TTC21B: variants seen among roughly 807,000 people sequenced by gnomAD.
TTC21B encodes tetratricopeptide repeat domain 21B.
In TTC21B, 127 loss-of-function variants were observed where a neutral mutation model predicts 175.1. The observed-to-expected ratio is 0.73, with a 90% CI of 0.63 to 0.84. TTC21B has a LOEUF of 0.84. TTC21B is among the 40% of genes least tolerant of loss of function. The probability of loss-of-function intolerance (pLI) is 0.00; values close to 1 mark genes in which losing one functional copy is unlikely to be tolerated. For synonymous variants in TTC21B, 524 were observed against 524.5 expected, an observed-to-expected ratio of 1.00 and a Z score of 0.01; for missense variants, 1,561 against 1,558.3, an observed-to-expected ratio of 1.00 and a Z score of -0.03.
intron 28 of TTC21B, among the ~76,000 whole-genome samples, chr2:165,875,145 C>T (rs188676308): frequency 7.9e-5 from 12 of 152,278 alleles, no homozygotes; most frequent in Admixed American, 4.6e-4. Flanking sequence ...TTTAGCTTTT[C>T]ATTCATAATA....
At chr2:165,942,192 T>C (rs975737858) in intron 5 of TTC21B, among the ~76,000 whole-genome samples, 2 of 152,196 alleles carry the variant, frequency 1.3e-5, no homozygotes, top group Non-Finnish European at 2.9e-5. Context: ...GGAAAAGTGA[T>C]GTGGAGACAT....
intron 11 of TTC21B, among the ~76,000 whole-genome samples, chr2:165,926,467 C>T (rs2105338068): frequency 6.6e-6 from 1 of 152,236 alleles, no homozygotes; most frequent in African/African-American, 2.4e-5. Context: ...GACTACTCTC[C>T]TCCTCCTCAC....
chr2:165,878,111 A>G (rs1247914863), intron 27 of TTC21B, among the ~76,000 whole-genome samples: 1 of 152,224 alleles, frequency 6.6e-6, no homozygotes, highest in Admixed American at 6.5e-5. Flanking sequence ...TTTAAAAATC[A>G]TATAAAATAC....
At position 165,941,127 on chromosome 2, in the gene TTC21B, T is replaced by C. The variant is rs1290923708; in HGVS notation, c.610A>G (p.Ile204Val). 1 of 1,613,952 alleles carries C rather than the reference T, an allele frequency of 6.2e-7. No individual in the cohort carries two copies. Among genetic ancestry groups the C allele is most frequent in the Non-Finnish European group, 8.5e-7 (1 of 1,179,876 alleles). The change falls in exon 6 of 29, where the codon ATA becomes GTA. Residue 204 changes from isoleucine (I) to valine (V), a missense_variant. Transcript: ENST00000243344. ...YSGALETVNQ[I>V]IVNFPSFLPA... ...AGGAAGCTCGGAAAATTCACGATTA[T>C]CTGGTTCACAGTCTCCAGGGCACCT...
At chr2:165,944,565 C>G (rs1222117020) in intron 4 of TTC21B, among the ~76,000 whole-genome samples, 1 of 152,112 alleles carries the variant, frequency 6.6e-6, no homozygotes, top group African/African-American at 2.4e-5. Flanking sequence ...GCCACTTCAT[C>G]CAAGAAACCA....
At chr2:165,907,080 T>A (rs929714528) in intron 19 of TTC21B, among the ~76,000 whole-genome samples, 13 of 151,866 alleles carry the variant, frequency 8.6e-5, no homozygotes, top group African/African-American at 3.1e-4. Flanking sequence ...TTAAAAATTA[T>A]ATCAAAGTGA....
At chr2:165,930,732 G>GGTGTGTGTGTGT in intron 8 of TTC21B, among the ~76,000 whole-genome samples, 6 of 110,908 alleles carry the variant, frequency 5.4e-5, no homozygotes, top group Admixed American at 8.7e-5. Flanking sequence ...TGGGTATGGG[G>GGTGTGTGTGTGT]GTGTGTGTGT....
At chr2:165,886,604 A>T (rs1221005289) in intron 25 of TTC21B, among the ~76,000 whole-genome samples, 1 of 152,206 alleles carries the variant, frequency 6.6e-6, no homozygotes, top group Non-Finnish European at 1.5e-5. Flanking sequence ...GTATTTTACT[A>T]ACCACATATG....
chr2:165,937,147 A>C (rs576418322), intron 6 of TTC21B, among the ~76,000 whole-genome samples: 5 of 152,220 alleles, frequency 3.3e-5, no homozygotes, highest in Admixed American at 6.5e-5. Flanking sequence ...ACATGGAAGA[A>C]AGTTAAATGC....
Position 165,934,515 on chromosome 2 carries a change from A to G in TTC21B, c.711-1458T>C, listed in dbSNP as rs895880895. ...GACTCTGTCTCAAAAAAAAAAAAAA[A>G]AAAAAAGAAAAGAAACGAAACATGA... On this transcript the variant is annotated intron_variant, in intron 6 of 28. Transcript: ENST00000243344. 1.1e-3 allele frequency among the ~76,000 whole-genome samples: 157 copies of G among 147,494 alleles called. 1 individual carries two copies. Among genetic ancestry groups the G allele is most frequent in the African/African-American group, 3.6e-3 (146 of 40,568 alleles).
At position 165,923,685 on chromosome 2, in the gene TTC21B, A is replaced by G. The variant is rs1382457720; in HGVS notation, c.1516+864T>C. On this transcript the variant is annotated intron_variant, in intron 12 of 28. Transcript: ENST00000243344. The stretch of plus-strand genomic sequence containing the variant: ...TCTTGATCTCCTGACCTCGTGATCC[A>G]CCTGTCTGGGCCTCCCAAAGTGCTG... Among the ~76,000 whole-genome samples, 3 of 145,428 alleles carry G rather than the reference A, an allele frequency of 2.1e-5. No homozygotes were observed. In the Admixed American group the frequency reaches 2.1e-4, roughly 10 times the overall value.
At chr2:165,907,913 CTCAA>C in intron 18 of TTC21B, 129 bp from the exon 19 acceptor site, 2 of 631,272 alleles carry the variant, frequency 3.2e-6, no homozygotes, top group East Asian at 2.9e-5. Context: ...TTAAAATTTT[CTCAA>C]TCAGTTGCCT....
Position 165,950,257 on chromosome 2 carries a change from CAGTT to C in TTC21B, c.22-537_22-534del, listed in dbSNP as rs1464894763. ...TTGAGTTCTGCGACAAATAAATTGT[CAGTT>C]AAGAATAAATAAACTATTTTTCAAT... On this transcript the variant is annotated intron_variant, in intron 1 of 28. Transcript: ENST00000243344. Among the ~76,000 whole-genome samples the C allele has an allele frequency of 2.0e-5, 3 of 152,266 alleles. No homozygotes were observed. In the East Asian group the frequency reaches 5.8e-4, roughly 29 times the overall value.
At chr2:165,937,575 T>C (rs1687197404) in intron 6 of TTC21B, among the ~76,000 whole-genome samples, 1 of 152,002 alleles carries the variant, frequency 6.6e-6, no homozygotes, top group Non-Finnish European at 1.5e-5. Flanking sequence ...TCTGTTTAAT[T>C]TTGCTGTGAA....
At chr2:165,897,331 G>C (rs1258349818) in intron 22 of TTC21B, among the ~76,000 whole-genome samples, 1 of 152,154 alleles carries the variant, frequency 6.6e-6, no homozygotes, top group Non-Finnish European at 1.5e-5. Flanking sequence ...ACTAACAGAG[G>C]TGGTAAAAAG....
At chr2:165,889,960 T>C (rs934559694) in intron 24 of TTC21B, among the ~76,000 whole-genome samples, 3 of 152,142 alleles carry the variant, frequency 2.0e-5, no homozygotes, top group Non-Finnish European at 2.9e-5. Flanking sequence ...TAAATAACCA[T>C]TGACTAGCAG....
At chr2:165,929,023 TACTA>T in intron 11 of TTC21B, 108 bp downstream of exon 11, 1 of 953,916 alleles carries the variant, frequency 1.0e-6, no homozygotes. Flanking sequence ...TAGGTACAAA[TACTA>T]CCATTTTAAG....
intron 19 of TTC21B, among the ~76,000 whole-genome samples, chr2:165,904,614 G>A (rs1685669217): frequency 6.6e-6 from 1 of 152,166 alleles, no homozygotes; most frequent in Admixed American, 6.5e-5. Flanking sequence ...TAGGACTGAG[G>A]CATCTGCATT....
At position 165,921,006 on chromosome 2, in the gene TTC21B, A is replaced by C. The variant is rs181310830; in HGVS notation, c.1517-1573T>G. On this transcript the variant is annotated intron_variant, in intron 12 of 28. Coordinates refer to ENST00000243344, the MANE Select transcript of TTC21B (RefSeq NM_024753.5). ...GCTGACGTTTGTCTTGGGTTCCTGG[A>C]AGGAGACTCTAACTCTTCAAATTTC... Among the ~76,000 whole-genome samples, 5 of 152,202 alleles carry C rather than the reference A, an allele frequency of 3.3e-5. No individual in the cohort carries two copies. The East Asian group carries it at 9.7e-4, about 29-fold the overall frequency.
Sources: allele counts gnomAD v4.1 joint callset (sites outside exome capture counted in the v4.1 genomes callset), GRCh38; gene constraint gnomAD v4.1.1; transcripts MANE v1.5; gene names NCBI Gene and HGNC (gene_info 2026-07-23, HGNC 2026-07-21).